The following RAP1GAP2 variants were observed in gnomAD, a reference collection of about 807,000 sequenced individuals.
RAP1GAP2 encodes the protein RAP1 GTPase activating protein 2.
RAP1GAP2 carries 27 observed loss-of-function variants against 95.0 expected under a neutral mutation model. The ratio of observed to expected loss-of-function variants is 0.28; its 90% CI spans 0.21 to 0.39. The LOEUF (loss-of-function observed/expected upper bound fraction) is 0.39, where lower values mean the gene tolerates loss of function less well. Among genes scored for constraint, RAP1GAP2 ranks in the 10% least tolerant of loss-of-function variants. RAP1GAP2 has a pLI of 1.00. For synonymous variants in RAP1GAP2, 373 were observed against 380.9 expected, an observed-to-expected ratio of 0.98 and a Z score of 0.24; for missense variants, 771 against 970.0, an observed-to-expected ratio of 0.79 and a Z score of 2.72.
chr17:2,856,806 G>T (rs1209100456), intron 2 of RAP1GAP2, among the ~76,000 whole-genome samples: 1 of 152,224 alleles, frequency 6.6e-6, no homozygotes, highest in Non-Finnish European at 1.5e-5. Flanking sequence ...CTAGCCCCTG[G>T]CTTCATCCCG....
At chr17:2,854,113 G>C in intron 2 of RAP1GAP2, 1 of 985,466 alleles carries the variant, frequency 1.0e-6, no homozygotes, top group Non-Finnish European at 1.2e-6. Context: ...GTAAACCCCT[G>C]CAGCGCCGGC....
chr17:2,989,639 A>C (rs898781208), intron 11 of RAP1GAP2, among the ~76,000 whole-genome samples: 1 of 151,034 alleles, frequency 6.6e-6, no homozygotes, highest in Non-Finnish European at 1.5e-5. Context: ...GGCCGTTTTC[A>C]TGTCTTTTGA....
At chr17:2,957,725 C>T in intron 3 of RAP1GAP2, 34 bp from the exon 4 acceptor site, 1 of 1,601,372 alleles carries the variant, frequency 6.2e-7, no homozygotes, top group Non-Finnish European at 8.5e-7. Context: ...CCGGCTGATC[C>T]CTGTCTTTCT....
At chr17:2,970,369 C>T (rs1352228802) in intron 8 of RAP1GAP2, among the ~76,000 whole-genome samples, 1 of 151,532 alleles carries the variant, frequency 6.6e-6, no homozygotes, top group East Asian at 1.9e-4. Flanking sequence ...AATGAATAAC[C>T]TTGTGCAGAC....
At position 2,904,966 on chromosome 17, in the gene RAP1GAP2, C is replaced by T. The variant is rs1038759044; in HGVS notation, c.81-318C>T. ...GCGCCATCTTGGCTCACTGCAACCTCCACCTCCCAGGTTCAAGTGATTCTC... is the reference window on the plus strand; with the variant it reads ...GCGCCATCTTGGCTCACTGCAACCTTCACCTCCCAGGTTCAAGTGATTCTC... On this transcript the variant is annotated intron_variant, in intron 2 of 24. Transcript: ENST00000254695. This position sits in a 1 kb window ranked among gnomAD's most constrained non-coding sequence, Gnocchi z 4.7. Among the ~76,000 whole-genome samples, 1 of 152,100 alleles carries T rather than the reference C, an allele frequency of 6.6e-6. No homozygotes were observed. Among genetic ancestry groups the T allele is most frequent in the African/African-American group, 2.4e-5 (1 of 41,412 alleles).
intron 3 of RAP1GAP2, among the ~76,000 whole-genome samples, chr17:2,957,534 C>G (rs1266995978): frequency 6.6e-6 from 1 of 152,224 alleles, no homozygotes; most frequent in African/African-American, 2.4e-5. Flanking sequence ...CAGCACCATT[C>G]ATTTGCCAGC....
intron 10 of RAP1GAP2, among the ~76,000 whole-genome samples, chr17:2,981,521 C>T (rs939282566): frequency 1.1e-4 from 16 of 152,298 alleles, no homozygotes; most frequent in African/African-American, 3.8e-4. Flanking sequence ...TTCTCCACCA[C>T]ACCTCATTGG....
At chr17:3,030,130 A>ATATATAT (rs1324278351) in intron 22 of RAP1GAP2, among the ~76,000 whole-genome samples, 1 of 147,286 alleles carries the variant, frequency 6.8e-6, no homozygotes, top group Non-Finnish European at 1.5e-5. Context: ...TTATATATAC[A>ATATATAT]TATATATTAT....
At chr17:2,948,323 G>C (rs2043784199) in intron 3 of RAP1GAP2, among the ~76,000 whole-genome samples, 1 of 152,216 alleles carries the variant, frequency 6.6e-6, no homozygotes, top group Admixed American at 6.5e-5. Context: ...GGCCAGGGCA[G>C]GTAGCTCAGC....
chr17:2,920,562 G>A (rs902541387), intron 3 of RAP1GAP2, among the ~76,000 whole-genome samples: 2 of 152,220 alleles, frequency 1.3e-5, no homozygotes, highest in South Asian at 2.1e-4. Context: ...GTGTGACATC[G>A]TGCAGTTCAG....
chr17:2,942,014 A>AGATGG (rs2043518447), intron 3 of RAP1GAP2, among the ~76,000 whole-genome samples: 1 of 152,128 alleles, frequency 6.6e-6, no homozygotes, highest in African/African-American at 2.4e-5. Flanking sequence ...AGTGTCACTG[A>AGATGG]GATGGCTTTT....
intron 1 of RAP1GAP2, among the ~76,000 whole-genome samples, chr17:2,784,879 G>T (rs1013366010): frequency 6.6e-6 from 1 of 152,202 alleles, no homozygotes; most frequent in Admixed American, 6.5e-5. Flanking sequence ...TGGGCTTGGG[G>T]CTGGGATGAA....
At chr17:2,949,718 G>A (rs955214844) in intron 3 of RAP1GAP2, among the ~76,000 whole-genome samples, 5 of 152,198 alleles carry the variant, frequency 3.3e-5, no homozygotes, top group African/African-American at 1.2e-4. Flanking sequence ...TTGGCTGTAT[G>A]CAGCCATCTC....
intron 2 of RAP1GAP2, among the ~76,000 whole-genome samples, chr17:2,846,894 T>A (rs2071611275): frequency 6.6e-6 from 1 of 152,058 alleles, no homozygotes; most frequent in African/African-American, 2.4e-5. Flanking sequence ...CTCCTCTCAA[T>A]GGCCTGTCAA....
At chr17:2,783,165 T>C (rs1369897926) in intron 1 of RAP1GAP2, among the ~76,000 whole-genome samples, 1 of 152,110 alleles carries the variant, frequency 6.6e-6, no homozygotes, top group African/African-American at 2.4e-5. Flanking sequence ...CTTCTGCTGT[T>C]CCCTCCGCTC....
intron 19 of RAP1GAP2, among the ~76,000 whole-genome samples, chr17:3,021,940 T>C (rs117127112): frequency 0.014 from 2,155 of 152,366 alleles, 27 homozygotes; most frequent in Middle Eastern, 0.037. Context: ...AGTGCTGCAA[T>C]AAACATGGGA....
intron 2 of RAP1GAP2, among the ~76,000 whole-genome samples, chr17:2,802,397 T>G (rs1256367747): frequency 6.6e-6 from 1 of 152,204 alleles, no homozygotes; most frequent in Non-Finnish European, 1.5e-5. Context: ...CTTCAAGAGC[T>G]TTCAGTTTCT....
rs1456103545 is a variant in RAP1GAP2, at chr17:2,984,928, A to G, written c.730-55A>G. 4.4e-6 allele frequency: 7 copies of G among 1,598,932 alleles called. No individual in the cohort carries two copies. The South Asian group carries it at 6.8e-5, about 15-fold the overall frequency. ...TGCTTCCCCTGCCATGTGCTTCCTC[A>G]CTTGCTTCCAAATTTAACAAATGTT... On this transcript the variant is annotated intron_variant, in intron 10 of 24. Transcript: ENST00000254695.
intron 17 of RAP1GAP2, among the ~76,000 whole-genome samples, chr17:3,012,173 T>C (rs1187676453): frequency 6.6e-6 from 1 of 152,174 alleles, no homozygotes; most frequent in East Asian, 1.9e-4. Context: ...GTTTCTCCCA[T>C]GAGACACAGA....
Sources: gnomAD v4.1 joint callset for allele counts (sites outside exome capture counted in the v4.1 genomes callset) on GRCh38, gnomAD v4.1.1 for gene constraint, Gnocchi (gnomAD v3.1) non-coding constraint, MANE v1.5 for transcripts, NCBI Gene and HGNC (gene_info 2026-07-23, HGNC 2026-07-21) for gene names.